The following ECE1 variants were observed in gnomAD, a reference collection of about 807,000 sequenced individuals.
ECE1 encodes endothelin-converting enzyme 1.
Under a neutral mutation model 98.6 loss-of-function variants are expected in ECE1, and 35 were observed. That is an observed-to-expected ratio of 0.35 (90% confidence interval 0.27 to 0.47). The LOEUF (loss-of-function observed/expected upper bound fraction) is 0.47, where lower values mean the gene tolerates loss of function less well. ECE1 is among the 20% of genes least tolerant of loss of function. The pLI is 1.00. For synonymous variants in ECE1, 394 were observed against 407.1 expected (o/e 0.97, Z 0.39); for missense variants, 814 against 1,025.3 (o/e 0.79, Z 2.81).
rs558331235 is a variant in ECE1 at position 21,309,696 on chromosome 1, C to T, written c.4-19540G>A. Among the ~76,000 whole-genome samples the T allele has an allele frequency of 3.9e-5, 6 of 152,264 alleles. No homozygotes were observed. In the South Asian group the frequency reaches 1.2e-3, roughly 32 times the overall value. On this transcript the variant is annotated intron_variant, in intron 1 of 18. Coordinates refer to the ECE1 transcript ENST00000415912. Reference sequence around the variant, plus strand: ...CTTCAACACATGCTTCAAATGCCACCTCCTCTCTGAAGCCTCTTCAATCAG... The same window carrying T: ...CTTCAACACATGCTTCAAATGCCACTTCCTCTCTGAAGCCTCTTCAATCAG...
At chr1:21,240,416 G>A (rs1402042934) in intron 10 of ECE1, among the ~76,000 whole-genome samples, 2 of 151,950 alleles carry the variant, frequency 1.3e-5, no homozygotes, top group Non-Finnish European at 2.9e-5. Flanking sequence ...GAACCCTGGG[G>A]ATGGAGGTTG....
chr1:21,260,509 T>C lies in ECE1; in HGVS notation c.494-117A>G. The C allele has an allele frequency of 7.7e-7, 1 of 1,305,962 alleles. No individual in the cohort carries two copies. Among genetic ancestry groups the C allele is most frequent in the Non-Finnish European group, 1.1e-6 (1 of 909,132 alleles). The allele number at this position is 1,305,962 out of a possible 1,614,324, so 80.9% of individuals were successfully genotyped here. On this transcript the variant is annotated intron_variant, in intron 4 of 18. Transcript: ENST00000374893. This position sits in a 1 kb window ranked among gnomAD's most constrained non-coding sequence, Gnocchi z 4.3. ...TCAGCTGCAAAGGAGCTCTGACATC[T>C]GCCTGTCGGAGTGGCAGTGAGGAAT...
chr1:21,279,357 CG>C (rs1260612967), intron 2 of ECE1, 25 bp from the exon 3 acceptor site: 2 of 1,613,818 alleles, frequency 1.2e-6, no homozygotes, highest in African/African-American at 1.3e-5. Flanking sequence ...GCAGGAGGGG[CG>C]GGGAAGACGT....
At chr1:21,321,771 A>G (rs1023967997) in intron 1 of ECE1, among the ~76,000 whole-genome samples, 23 of 152,072 alleles carry the variant, frequency 1.5e-4, no homozygotes, top group African/African-American at 5.3e-4. Context: ...ACGTGCCACC[A>G]CACCCGGCTA....
At chr1:21,295,458 A>G (rs1400837807), upstream of ECE1, among the ~76,000 whole-genome samples, 3 of 152,264 alleles carry the variant, frequency 2.0e-5, no homozygotes, top group South Asian at 6.2e-4. Flanking sequence ...TTATTATTAC[A>G]TTATCCATTA....
intron 3 of ECE1, among the ~76,000 whole-genome samples, chr1:21,275,107 T>C (rs1013036614): frequency 2.6e-5 from 4 of 152,206 alleles, no homozygotes; most frequent in Non-Finnish European, 5.9e-5. Context: ...AGGAAAATTT[T>C]ACAACATCTT....
chr1:21,345,322 C>G lies in ECE1; in HGVS notation c.3+54G>C, dbSNP rs1402574104. On this transcript the variant is annotated intron_variant, in intron 1 of 18. Coordinates refer to the ECE1 transcript ENST00000415912. The surrounding 1 kb of genome is among the most constrained non-coding windows in gnomAD (Gnocchi z 5.1). ...GGGTGCCACCCGCGGCACCGCTGCC[C>G]GCGACCGTCGAGGCTGGGCTGGACC... 34 of 1,346,458 alleles carry G rather than the reference C, an allele frequency of 2.5e-5. No individual in the cohort carries two copies. Among genetic ancestry groups the G allele is most frequent in the Non-Finnish European group, 3.3e-5 (34 of 1,040,926 alleles). The allele number at this position is 1,346,458 out of a possible 1,614,324, so 83.4% of individuals were successfully genotyped here.
intron 4 of ECE1, among the ~76,000 whole-genome samples, chr1:21,270,016 C>T (rs921193571): frequency 2.6e-5 from 4 of 152,200 alleles, no homozygotes; most frequent in African/African-American, 9.7e-5. Context: ...AAGGTTCTCC[C>T]AGTGAGAACC....
chr1:21,263,389 G>A (rs954110674), intron 4 of ECE1, among the ~76,000 whole-genome samples: 5 of 148,660 alleles, frequency 3.4e-5, no homozygotes, highest in South Asian at 2.1e-4. Context: ...ACAGAGTCTC[G>A]CTCTGTCACT....
At chr1:21,221,668 G>A (rs562234343) in intron 18 of ECE1, 79 bp downstream of exon 18, 1 of 1,451,542 alleles carries the variant, frequency 6.9e-7, no homozygotes, top group Admixed American at 1.7e-5. Context: ...TGGGGAACTT[G>A]CCTTTCGGCT....
intron 1 of ECE1, among the ~76,000 whole-genome samples, chr1:21,320,991 G>A (rs1638951243): frequency 6.6e-6 from 1 of 152,234 alleles, no homozygotes; most frequent in Admixed American, 6.5e-5. Context: ...GGAGCTGTCT[G>A]TAACTCATCA....
intron 8 of ECE1, among the ~76,000 whole-genome samples, chr1:21,249,699 G>C (rs1269369617): frequency 9.9e-5 from 15 of 152,090 alleles, no homozygotes; most frequent in Admixed American, 8.5e-4. Flanking sequence ...AAAGAGCACA[G>C]TTCAGGGGCA....
chr1:21,227,268 G>GCCCTCCTCTCAA, intron 15 of ECE1, 42 bp from the exon 16 acceptor site: 3 of 1,589,292 alleles, frequency 1.9e-6, no homozygotes, highest in Non-Finnish European at 2.6e-6. Flanking sequence ...GCTTTGAGAG[G>GCCCTCCTCTCAA]AGGGCCTCTC....
At chr1:21,281,026 T>TA (rs1238736467) in intron 2 of ECE1, among the ~76,000 whole-genome samples, 3 of 151,996 alleles carry the variant, frequency 2.0e-5, no homozygotes, top group Admixed American at 6.6e-5. Context: ...CCATCTCTAC[T>TA]AAAAAACACA....
intron 9 of ECE1, 125 bp from the exon 10 acceptor site, chr1:21,245,228 G>A (rs1353580523): frequency 2.0e-5 from 16 of 794,734 alleles, no homozygotes; most frequent in South Asian, 4.4e-5. Flanking sequence ...TCCAGCCTGC[G>A]GGGGCTTGGT....
rs2098187148 is a variant in ECE1 at position 21,235,752 on chromosome 1, C to G, written c.1566+98G>C. On this transcript the variant is annotated intron_variant, in intron 13 of 18. Coordinates refer to ENST00000374893, the MANE Select transcript of ECE1 (RefSeq NM_001397.3). The surrounding 1 kb of genome is among the most constrained non-coding windows in gnomAD (Gnocchi z 4.2). ...CATCATCCCTGTGTGTTTTGACAAC[C>G]ATGCTGCCTCTAGCACCCCATCTGG... 2.4e-6 allele frequency: 3 copies of G among 1,246,674 alleles called. No individual in the cohort carries two copies. Among genetic ancestry groups the G allele is most frequent in the Non-Finnish European group, 2.4e-6 (2 of 846,394 alleles). The allele number at this position is 1,246,674 out of a possible 1,614,324, so 77.2% of individuals were successfully genotyped here. A position where few individuals can be genotyped will look rare whatever the true frequency, so the allele number is the denominator to read the frequency against.
At chr1:21,238,738 G>A (rs2098191646) in intron 10 of ECE1, among the ~76,000 whole-genome samples, 2 of 152,136 alleles carry the variant, frequency 1.3e-5, no homozygotes, top group African/African-American at 4.8e-5. Context: ...AGAAAAAACT[G>A]CCCCAGGGCC....
upstream of ECE1, among the ~76,000 whole-genome samples, chr1:21,295,066 A>G (rs1638315326): frequency 6.6e-6 from 1 of 152,242 alleles, no homozygotes; most frequent in Non-Finnish European, 1.5e-5. Context: ...ACCTCATTTC[A>G]GATCCCCAGT....
In ECE1 at chr1:21,236,709, G is replaced by A. The variant is rs549784466; in HGVS notation, c.1488+37C>T. ...CCACCCTCCTCTATCTGTGCTGGAC[G>A]CCGCAGCACCCCCTCCAAGTGCCTG... is the stretch of plus-strand genomic sequence containing the variant. On this transcript the variant is annotated intron_variant, in intron 12 of 18. Transcript: ENST00000374893. The A allele has an allele frequency of 1.1e-3, 1,756 of 1,588,090 alleles. 30 individuals are homozygous for A. In the South Asian group the frequency reaches 0.018, roughly 17 times the overall value.
Sources: allele counts gnomAD v4.1 joint callset (sites outside exome capture counted in the v4.1 genomes callset), GRCh38; gene constraint gnomAD v4.1.1; non-coding constraint Gnocchi (gnomAD v3.1); transcripts MANE v1.5; gene names NCBI Gene and HGNC (gene_info 2026-07-23, HGNC 2026-07-21).